Variants in CNTNAP4 observed in about 807,000 individuals in gnomAD.
CNTNAP4 encodes contactin-associated protein-like 4.
A neutral mutation model predicts 148.4 loss-of-function variants in CNTNAP4; 98 were observed. That is an observed-to-expected ratio of 0.66 (90% CI 0.56 to 0.78). The LOEUF (loss-of-function observed/expected upper bound fraction) is 0.78, where lower values mean the gene tolerates loss of function less well. CNTNAP4 is among the 30% of genes least tolerant of loss of function. CNTNAP4 has a pLI of 0.00. For synonymous variants in CNTNAP4, 730 were observed against 565.1 expected, an observed-to-expected ratio of 1.29 and a Z score of -4.14; for missense variants, 1,935 against 1,565.6, an observed-to-expected ratio of 1.24 and a Z score of -3.98.
At chr16:76,356,715 A>G (rs557061807) in intron 3 of CNTNAP4, among the ~76,000 whole-genome samples, 252 of 152,316 alleles carry the variant, frequency 1.7e-3, no homozygotes, top group African/African-American at 5.9e-3. Flanking sequence ...TTCTTAGCAC[A>G]CAGATAATTT....
intron 3 of CNTNAP4, among the ~76,000 whole-genome samples, chr16:76,405,396 A>C (rs1448838733): frequency 1.3e-5 from 2 of 152,180 alleles, no homozygotes; most frequent in African/African-American, 4.8e-5. Context: ...TGGATAACAC[A>C]GGGAGGAGGG....
chr16:76,486,156 A>G (rs752771521), intron 12 of CNTNAP4, among the ~76,000 whole-genome samples: 7 of 152,166 alleles, frequency 4.6e-5, no homozygotes, highest in East Asian at 1.9e-4. Flanking sequence ...CTACCATTCA[A>G]TGGAGATTTT....
rs575263839 is a variant in CNTNAP4, at chr16:76,535,669, A to T, written c.2880A>T (p.Gly960=). 8 of 1,614,032 alleles carry T rather than the reference A, an allele frequency of 5.0e-6. No homozygotes were observed. The highest frequency in any genetic ancestry group is 5.9e-6 in the Non-Finnish European group (7 of 1,179,954). ...VTPEVQPGCR[G]HCSSYGKLCR... ...CAGAAGTGCAGCCAGGTTGTAGGGG[A>T]CATTGCAGCAGCTATGGGAAGTTAT... The change falls in exon 18 of 24, where the codon GGA becomes GGT. Residue 960 remains glycine (G), a synonymous_variant. Transcript: ENST00000611870.
At chr16:76,320,071 G>C (rs1427630976) in intron 2 of CNTNAP4, among the ~76,000 whole-genome samples, 1 of 152,188 alleles carries the variant, frequency 6.6e-6, no homozygotes, top group Non-Finnish European at 1.5e-5. Context: ...AAAAAACTCA[G>C]ATTGCCTTGA....
chr16:76,503,884 T>C (rs2082742478), intron 15 of CNTNAP4, among the ~76,000 whole-genome samples: 1 of 152,162 alleles, frequency 6.6e-6, no homozygotes, highest in Non-Finnish European at 1.5e-5. Flanking sequence ...ATTTTAAAAG[T>C]ACCATTTTTA....
chr16:76,402,039 G>A (rs2078437483), intron 3 of CNTNAP4, among the ~76,000 whole-genome samples: 1 of 152,128 alleles, frequency 6.6e-6, no homozygotes, highest in Non-Finnish European at 1.5e-5. Flanking sequence ...TTTGGTATCA[G>A]GATGATATTT....
rs397854943 is a variant in CNTNAP4 at position 76,342,465 on chromosome 16, CTTTTTTT to C, written c.197-12834_197-12828del. 1.6e-3 allele frequency among the ~76,000 whole-genome samples: 149 copies of C among 91,500 alleles called. 1 individual carries two copies. The highest frequency in any genetic ancestry group is 0.015 in the South Asian group (41 of 2,672). The allele number at this position is 91,500 out of a possible 152,430, so 60.0% of individuals were successfully genotyped here. ...TCCTAAAATTATAAATTGCTAATTT[CTTTTTTT>C]TTTTTTTTTTTTTTTTTTGAGATGG... On this transcript the variant is annotated intron_variant, in intron 2 of 23. Transcript: ENST00000611870.
intron 1 of CNTNAP4, chr16:76,309,776 C>A: frequency 5.8e-6 from 4 of 691,184 alleles, no homozygotes; most frequent in South Asian, 4.5e-5. Context: ...CGGGCTTTCC[C>A]GTGCTATTCT....
intron 2 of CNTNAP4, among the ~76,000 whole-genome samples, chr16:76,334,186 A>G (rs1415557533): frequency 6.6e-6 from 1 of 151,056 alleles, no homozygotes; most frequent in Non-Finnish European, 1.5e-5. Context: ...TATAATAATA[A>G]TAATAATAAT....
chr16:76,400,314 C>A (rs1055621315), intron 3 of CNTNAP4, among the ~76,000 whole-genome samples: 1 of 152,204 alleles, frequency 6.6e-6, no homozygotes, highest in East Asian at 1.9e-4. Flanking sequence ...GTGGTGGGAA[C>A]ATTTAAAATC....
chr16:76,474,977 C>CA (rs2081512651), intron 10 of CNTNAP4, among the ~76,000 whole-genome samples: 2 of 152,124 alleles, frequency 1.3e-5, no homozygotes, highest in African/African-American at 4.8e-5. Context: ...GAACACGGCA[C>CA]CGTTTCTCAA....
At chr16:76,521,108 ATTTT>A in intron 15 of CNTNAP4, 28 bp from the exon 16 acceptor site, 1 of 1,478,342 alleles carries the variant, frequency 6.8e-7, no homozygotes, top group Non-Finnish European at 8.9e-7. Context: ...TTCTTTCTGA[ATTTT>A]TTTTTCTTTT....
chr16:76,391,485 T>G (rs1187852583), intron 3 of CNTNAP4, among the ~76,000 whole-genome samples: 1 of 152,236 alleles, frequency 6.6e-6, no homozygotes, highest in Non-Finnish European at 1.5e-5. Context: ...TGCAAAACTT[T>G]GTGCTTGGCC....
intron 3 of CNTNAP4, among the ~76,000 whole-genome samples, chr16:76,361,949 C>T (rs2144553183): frequency 6.6e-6 from 1 of 152,174 alleles, no homozygotes; most frequent in African/African-American, 2.4e-5. Flanking sequence ...TTTCACCAAC[C>T]TGCTGGTTAT....
chr16:76,316,365 A>T, intron 1 of CNTNAP4, 48 bp from the exon 2 acceptor site: 1 of 1,233,154 alleles, frequency 8.1e-7, no homozygotes, highest in Non-Finnish European at 1.2e-6. Context: ...GATTCCACGA[A>T]AGCCTCAGCA....
chr16:76,437,089 A>T (rs140901391), intron 4 of CNTNAP4, among the ~76,000 whole-genome samples: 126 of 152,178 alleles, frequency 8.3e-4, no homozygotes, highest in African/African-American at 2.9e-3. Flanking sequence ...CCACGTTTCA[A>T]AGCTGAAGAA....
intron 15 of CNTNAP4, among the ~76,000 whole-genome samples, chr16:76,511,501 C>T (rs953333389): frequency 7.2e-5 from 11 of 152,080 alleles, no homozygotes; most frequent in Admixed American, 3.3e-4. Context: ...AGTTCTCTTC[C>T]ATTTGGCAGA....
chr16:76,451,011 G>A (rs2080449293), intron 7 of CNTNAP4, among the ~76,000 whole-genome samples: 1 of 152,186 alleles, frequency 6.6e-6, no homozygotes, highest in Non-Finnish European at 1.5e-5. Flanking sequence ...AGAGAACTTT[G>A]GCAGTTGTTG....
chr16:76,327,189 ACC>A (rs1218936065), intron 2 of CNTNAP4, among the ~76,000 whole-genome samples: 1 of 152,062 alleles, frequency 6.6e-6, no homozygotes, highest in Non-Finnish European at 1.5e-5. Context: ...GTAGGTTTCA[ACC>A]CCTGCCCCAT....
Sources: allele counts gnomAD v4.1 joint callset (sites outside exome capture counted in the v4.1 genomes callset), GRCh38; gene constraint gnomAD v4.1.1; transcripts MANE v1.5; gene names NCBI Gene and HGNC (gene_info 2026-07-23, HGNC 2026-07-21).